The following RCAN2 variants were observed in gnomAD, a reference collection of about 807,000 sequenced individuals.
The protein encoded by RCAN2 is calcipressin-2.
RCAN2 carries 9 observed loss-of-function variants against 23.6 expected under a neutral mutation model. That is an observed-to-expected ratio of 0.38 (90% CI 0.23 to 0.67). The LOEUF (loss-of-function observed/expected upper bound fraction) is 0.67. Among genes scored for constraint, RCAN2 ranks in the 30% least tolerant of loss-of-function variants. The pLI, the probability that RCAN2 is intolerant of heterozygous loss-of-function variation, is 0.51. For synonymous variants in RCAN2, 109 were observed against 115.7 expected (o/e 0.94, Z 0.37); for missense variants, 273 against 302.3 (o/e 0.90, Z 0.72).
intron 2 of RCAN2, among the ~76,000 whole-genome samples, chr6:46,278,406 A>T (rs1468527175): frequency 6.6e-6 from 1 of 151,846 alleles, no homozygotes; most frequent in Non-Finnish European, 1.5e-5. Flanking sequence ...CACACAAAAA[A>T]AACCCACACA....
chr6:46,468,807 C>T lies in RCAN2; in HGVS notation c.-2-11829G>A, dbSNP rs1428870956. 4.1e-6 allele frequency: 4 copies of T among 985,180 alleles called. No individual in the cohort carries two copies. The Admixed American group carries it at 1.8e-4, about 45-fold the overall frequency. The allele number at this position is 985,180 out of a possible 1,614,324, so 61.0% of individuals were successfully genotyped here. A position where few individuals can be genotyped will look rare whatever the true frequency, so the allele number is the denominator to read the frequency against. ...TTCCAGAGCCTTGCTCACCTTTAAT[C>T]AGCACTTTCTCAACTTGAGTGACTT... On this transcript the variant is annotated intron_variant, in intron 1 of 4. Coordinates refer to ENST00000371374, the MANE Select transcript of RCAN2 (RefSeq NM_001251974.2).
chr6:46,372,836 A>G (rs1765357295), intron 2 of RCAN2, among the ~76,000 whole-genome samples: 3 of 152,264 alleles, frequency 2.0e-5, no homozygotes, highest in Admixed American at 2.0e-4. Context: ...TTGTAAAATA[A>G]GGAAAATAGT....
intron 2 of RCAN2, among the ~76,000 whole-genome samples, chr6:46,283,939 C>T (rs1343795182): frequency 3.3e-5 from 5 of 152,140 alleles, no homozygotes; most frequent in African/African-American, 9.7e-5. Context: ...ACTCCACAAA[C>T]CTTTCCAAAG....
intron 1 of RCAN2, among the ~76,000 whole-genome samples, chr6:46,463,986 G>A (rs62402385): frequency 0.041 from 6,235 of 152,212 alleles, 180 homozygotes; most frequent in Non-Finnish European, 0.064. Context: ...AGCTAAGGAG[G>A]ATAAATAAGG....
chr6:46,478,441 G>GA (rs57877040), intron 1 of RCAN2, among the ~76,000 whole-genome samples: 40,091 of 151,366 alleles, frequency 0.26, 7,838 homozygotes, highest in African/African-American at 0.53. Flanking sequence ...ATTATGCACA[G>GA]AAAAAAAAAG....
chr6:46,329,773 T>C lies in RCAN2; in HGVS notation c.226-80877A>G, dbSNP rs966900572. 5.3e-5 allele frequency among the ~76,000 whole-genome samples: 8 copies of C among 152,272 alleles called. 1 individual carries two copies. The South Asian group carries it at 1.2e-3, about 24-fold the overall frequency. ...TTGGGATTCATCCAAACCACTGCTC[T>C]TGCAATGACCGATCACACTGAGGAA... On this transcript the variant is annotated intron_variant, in intron 2 of 4. Transcript: ENST00000371374.
intron 2 of RCAN2, among the ~76,000 whole-genome samples, chr6:46,269,291 T>C (rs1363387062): frequency 6.6e-6 from 1 of 152,226 alleles, no homozygotes; most frequent in Non-Finnish European, 1.5e-5. Context: ...GATCATTAAC[T>C]TATTCTTCAG....
At chr6:46,266,973 A>G (rs7772322) in intron 2 of RCAN2, among the ~76,000 whole-genome samples, 1 of 152,054 alleles carries the variant, frequency 6.6e-6, no homozygotes, top group East Asian at 1.9e-4. Context: ...CTGATATAGT[A>G]TGACCTTGTA....
chr6:46,316,421 A>G (rs1481105233), intron 2 of RCAN2, among the ~76,000 whole-genome samples: 1 of 152,222 alleles, frequency 6.6e-6, no homozygotes, highest in African/African-American at 2.4e-5. Context: ...AGTGGCCTAG[A>G]GGTCAAGTAG....
chr6:46,246,455 A>T (rs1205502380), intron 4 of RCAN2, among the ~76,000 whole-genome samples: 1 of 152,154 alleles, frequency 6.6e-6, no homozygotes, highest in Non-Finnish European at 1.5e-5. Flanking sequence ...GATAGAGTTA[A>T]ATCCCACAAG....
chr6:46,327,228 G>C (rs929223059), intron 2 of RCAN2, among the ~76,000 whole-genome samples: 25 of 152,170 alleles, frequency 1.6e-4, no homozygotes, highest in Admixed American at 9.2e-4. Context: ...GTGTTCAGTG[G>C]GAGCACTGGA....
intron 2 of RCAN2, among the ~76,000 whole-genome samples, chr6:46,370,936 C>A (rs1434610555): frequency 6.6e-6 from 1 of 152,168 alleles, no homozygotes; most frequent in Admixed American, 6.5e-5. Context: ...TCAATTTACA[C>A]TATTTAGTGA....
At chr6:46,426,625 C>G (rs993444244) in intron 2 of RCAN2, among the ~76,000 whole-genome samples, 6 of 152,076 alleles carry the variant, frequency 3.9e-5, no homozygotes, top group Admixed American at 3.9e-4. Context: ...GAATGAAAAA[C>G]TAAAATGCCT....
At chr6:46,490,966 C>T (rs1477740550) in intron 1 of RCAN2, among the ~76,000 whole-genome samples, 3 of 151,516 alleles carry the variant, frequency 2.0e-5, no homozygotes, top group Non-Finnish European at 4.4e-5. Flanking sequence ...CCGGGACTGA[C>T]CACAGATCTG....
At chr6:46,429,878 G>A (rs1304199399) in intron 2 of RCAN2, among the ~76,000 whole-genome samples, 2 of 152,118 alleles carry the variant, frequency 1.3e-5, no homozygotes, top group East Asian at 3.9e-4. Context: ...AGTGTATATG[G>A]CAGATAAATC....
At chr6:46,378,249 C>T (rs1007033919) in intron 2 of RCAN2, among the ~76,000 whole-genome samples, 4 of 152,044 alleles carry the variant, frequency 2.6e-5, no homozygotes, top group Admixed American at 1.3e-4. Context: ...TGGATAAATA[C>T]GAGAAAGAAA....
intron 2 of RCAN2, among the ~76,000 whole-genome samples, chr6:46,445,774 T>C (rs1582208004): frequency 6.6e-6 from 1 of 152,176 alleles, no homozygotes; most frequent in Non-Finnish European, 1.5e-5. Flanking sequence ...TGAACTAAGT[T>C]AAAAATACAA....
chr6:46,310,942 A>G (rs1311262894), intron 2 of RCAN2, among the ~76,000 whole-genome samples: 3 of 152,208 alleles, frequency 2.0e-5, no homozygotes, highest in Non-Finnish European at 4.4e-5. Flanking sequence ...TCATTAATAG[A>G]CTCAGTAGAA....
chr6:46,278,784 T>C (rs766175361), intron 2 of RCAN2, among the ~76,000 whole-genome samples: 8 of 152,220 alleles, frequency 5.3e-5, no homozygotes, highest in Non-Finnish European at 1.0e-4. Context: ...TCCTCATGAT[T>C]AGATTCGGGC....
Sources: gnomAD v4.1 joint callset for allele counts (sites outside exome capture counted in the v4.1 genomes callset) on GRCh38, gnomAD v4.1.1 for gene constraint, MANE v1.5 for transcripts, NCBI Gene and HGNC (gene_info 2026-07-23, HGNC 2026-07-21) for gene names.